The following FGD5 variants were observed in gnomAD, a reference collection of about 807,000 sequenced individuals.
The protein encoded by FGD5 is FYVE, RhoGEF and PH domain containing 5.
FGD5 carries 28 observed loss-of-function variants against 133.4 expected under a neutral mutation model. The observed-to-expected ratio is 0.21, with a 90% CI of 0.16 to 0.29. FGD5 has a LOEUF of 0.29. FGD5 is among the 10% of genes least tolerant of loss of function. The pLI, the probability that FGD5 is intolerant of heterozygous loss-of-function variation, is 1.00. For synonymous variants in FGD5, 810 were observed against 776.5 expected (o/e 1.04, Z -0.72); for missense variants, 1,858 against 1,895.2 (o/e 0.98, Z 0.36).
chr3:14,897,402 G>T, intron 4 of FGD5, 107 bp from the exon 5 acceptor site: 2 of 1,322,528 alleles, frequency 1.5e-6, no homozygotes, highest in Non-Finnish European at 2.1e-6. Flanking sequence ...AGTCCTCACT[G>T]CTGTCTTCAC....
At chr3:14,883,969 C>T (rs1575230710) in intron 4 of FGD5, among the ~76,000 whole-genome samples, 1 of 152,130 alleles carries the variant, frequency 6.6e-6, no homozygotes, top group South Asian at 2.1e-4. Flanking sequence ...CTCACAGGCT[C>T]ATGGTATGTT....
chr3:14,909,232 T>C (rs1385893474), intron 10 of FGD5, among the ~76,000 whole-genome samples: 2 of 152,156 alleles, frequency 1.3e-5, no homozygotes, highest in Admixed American at 1.3e-4. Flanking sequence ...CCTCGCAAAG[T>C]GCTGGGATTA....
intron 9 of FGD5, among the ~76,000 whole-genome samples, chr3:14,904,797 A>G (rs969592557): frequency 6.6e-6 from 1 of 152,154 alleles, no homozygotes; most frequent in Non-Finnish European, 1.5e-5. Flanking sequence ...TCCATACATA[A>G]CCATCTGTAT....
chr3:14,831,485 C>T (rs2036705928), intron 1 of FGD5, among the ~76,000 whole-genome samples: 1 of 152,104 alleles, frequency 6.6e-6, no homozygotes, highest in South Asian at 2.1e-4. Context: ...GGGTCTCAGG[C>T]TGCTCTCCCA....
chr3:14,918,827 C>G lies in FGD5; in HGVS notation c.3563C>G (p.Ser1188Cys). ...ACTTCCGAGTCCTGCCTGATGCTGT[C>G]TGCGAGGTACGGGCAGGTGGAGGGA... ...IETSESCLMLSASSCAERDEW... is the reference protein window; with the variant it reads ...IETSESCLMLCASSCAERDEW... Residue 1188 changes from serine (S) to cysteine (C), a missense_variant, in exon 13 of 20, where the codon TCT (serine) becomes TGT (cysteine). Coordinates refer to ENST00000285046, the MANE Select transcript of FGD5 (RefSeq NM_152536.4). 6.2e-7 allele frequency: 1 copy of G among 1,613,928 alleles called. No homozygotes were observed. Among genetic ancestry groups the G allele is most frequent in the Non-Finnish European group, 8.5e-7 (1 of 1,179,892 alleles).
chr3:14,902,377 A>G (rs1342568337), intron 9 of FGD5, among the ~76,000 whole-genome samples: 1 of 151,940 alleles, frequency 6.6e-6, no homozygotes, highest in Non-Finnish European at 1.5e-5. Context: ...GGTGATAGGA[A>G]GAGGGGCTGG....
At position 14,918,756 on chromosome 3, in the gene FGD5, C is replaced by T. The variant is rs762701402; in HGVS notation, c.3492C>T (p.Val1164=). ...GGAGGCTGCTGTTGGTTTTCCAGGTCAGCCGCCCTGTGATGGAGAAAGTGC... is the reference window on the plus strand; with the variant it reads ...GGAGGCTGCTGTTGGTTTTCCAGGTTAGCCGCCCTGTGATGGAGAAAGTGC... ...KNTLAVANMK[V]SRPVMEKVPY... Residue 1164 remains valine, a splice_region_variant and synonymous_variant, in exon 13 of 20, where the codon GTC becomes GTT. Coordinates refer to ENST00000285046, the MANE Select transcript of FGD5 (RefSeq NM_152536.4). 3 of 1,613,966 alleles carry T rather than the reference C, an allele frequency of 1.9e-6. No homozygotes were observed. Among genetic ancestry groups the T allele is most frequent in the Non-Finnish European group, 1.7e-6 (2 of 1,179,880 alleles).
intron 2 of FGD5, among the ~76,000 whole-genome samples, chr3:14,879,256 A>G (rs1029070328): frequency 8.5e-5 from 13 of 152,230 alleles, no homozygotes; most frequent in African/African-American, 3.1e-4. Context: ...CTGCTCTGCC[A>G]TGGGCCACCG....
At chr3:14,812,969 C>T (rs1182692896) in intron 1 of FGD5, among the ~76,000 whole-genome samples, 3 of 152,090 alleles carry the variant, frequency 2.0e-5, no homozygotes, top group African/African-American at 7.2e-5. Context: ...GTACCATTGC[C>T]ATCCCCATTT....
At chr3:14,904,149 T>C (rs186069) in intron 9 of FGD5, among the ~76,000 whole-genome samples, 1 of 152,102 alleles carries the variant, frequency 6.6e-6, no homozygotes, top group Admixed American at 6.5e-5. Flanking sequence ...TGGTGGCAGG[T>C]TTCTCCACTG....
At chr3:14,849,184 C>T (rs1274611606) in intron 1 of FGD5, among the ~76,000 whole-genome samples, 2 of 152,210 alleles carry the variant, frequency 1.3e-5, no homozygotes, top group Admixed American at 6.5e-5. Flanking sequence ...ATTCCCTCTG[C>T]GTCCCCCATC....
intron 1 of FGD5, among the ~76,000 whole-genome samples, chr3:14,846,705 G>T (rs766617967): frequency 1.3e-5 from 2 of 152,238 alleles, no homozygotes; most frequent in Non-Finnish European, 2.9e-5. Flanking sequence ...CTTCCCAACC[G>T]TGGGACCAGA....
intron 1 of FGD5, among the ~76,000 whole-genome samples, chr3:14,852,883 G>C (rs1345305092): frequency 6.6e-6 from 1 of 152,208 alleles, no homozygotes; most frequent in African/African-American, 2.4e-5. Context: ...AGCGTTCTCA[G>C]GGCCTGGCCC....
intron 1 of FGD5, among the ~76,000 whole-genome samples, chr3:14,828,820 CTTTTTTT>C (rs59960841): frequency 8.1e-6 from 1 of 124,106 alleles, no homozygotes; most frequent in Non-Finnish European, 1.7e-5. Context: ...AGGTGGGTCT[CTTTTTTT>C]TTTTTTTTTT....
intron 11 of FGD5, among the ~76,000 whole-genome samples, chr3:14,916,475 T>TA (rs1358738148): frequency 6.6e-6 from 1 of 152,232 alleles, no homozygotes; most frequent in Non-Finnish European, 1.5e-5. Context: ...TGAAGGGACC[T>TA]GGAAGTACAG....
intron 9 of FGD5, among the ~76,000 whole-genome samples, chr3:14,902,577 C>T (rs145165239): frequency 9.3e-4 from 142 of 152,240 alleles, no homozygotes; most frequent in African/African-American, 1.4e-3. Flanking sequence ...GGCCAGTTTC[C>T]GGGCCGTTTT....
In FGD5 at chr3:14,898,085, G is replaced by C. The variant is rs372984078; in HGVS notation, c.3056G>C (p.Arg1019Pro). 7 of 1,614,008 alleles carry C rather than the reference G, an allele frequency of 4.3e-6. No homozygotes were observed. The highest frequency in any genetic ancestry group is 5.1e-6 in the Non-Finnish European group (6 of 1,179,900). Residue 1019 changes from arginine to proline, a missense_variant, in exon 6 of 20, where the codon CGT becomes CCT. Arg to Pro is a moderately radical substitution (Grantham distance 103). Coordinates refer to ENST00000285046, the MANE Select transcript of FGD5 (RefSeq NM_152536.4). ...LHSPRLAAAV[R>P]EFEQSVQGGS... ...TCTCCCCGGCTGGCAGCTGCTGTCC[G>C]TGAATTTGAGGTGGGTCCCTTGGTC...
intron 1 of FGD5, among the ~76,000 whole-genome samples, chr3:14,837,636 G>A (rs1309408452): frequency 6.6e-6 from 1 of 152,062 alleles, no homozygotes; most frequent in Non-Finnish European, 1.5e-5. Context: ...AGGGGGATAG[G>A]CTGCGAAGTA....
At chr3:14,923,383 G>T in intron 16 of FGD5, 1 of 653,922 alleles carries the variant, frequency 1.5e-6, no homozygotes, top group Non-Finnish European at 2.5e-6. Context: ...CAGAAGAAGA[G>T]CTCTGTGGGT....
Sources: allele counts gnomAD v4.1 joint callset (sites outside exome capture counted in the v4.1 genomes callset), GRCh38; gene constraint gnomAD v4.1.1; transcripts MANE v1.5; gene names NCBI Gene and HGNC (gene_info 2026-07-23, HGNC 2026-07-21).